OXSR1: variants seen among roughly 807,000 people sequenced by gnomAD.
The protein encoded by OXSR1 is oxidative stress responsive kinase 1, also known as serine/threonine-protein kinase OSR1.
A neutral mutation model predicts 79.8 loss-of-function variants in OXSR1; 24 were observed. The ratio of observed to expected loss-of-function variants is 0.30; its 90% confidence interval spans 0.22 to 0.42. The LOEUF is 0.42. Ranked by LOEUF, OXSR1 falls within the 10% of genes least tolerant of loss-of-function variation. OXSR1 has a pLI of 1.00. For synonymous variants in OXSR1, 226 were observed against 209.2 expected, an observed-to-expected ratio of 1.08 and a Z score of -0.69; for missense variants, 430 against 618.4, an observed-to-expected ratio of 0.70 and a Z score of 3.23.
chr3:38,203,512 T>A (rs1702207400), intron 4 of OXSR1, among the ~76,000 whole-genome samples: 1 of 152,090 alleles, frequency 6.6e-6, no homozygotes. Flanking sequence ...CCTGGTTAAT[T>A]TAAAAAAAAT....
At position 38,253,855 on chromosome 3, in the gene OXSR1, G is replaced by T. The variant is rs1221930798; in HGVS notation, c.*964G>T. ...AAGGAGACACACACTGGGCCAGAGAGGCCTGCCTTCTGCCTGCTCTCCTGC... is the reference window on the plus strand; with the variant it reads ...AAGGAGACACACACTGGGCCAGAGATGCCTGCCTTCTGCCTGCTCTCCTGC... On this transcript the variant is annotated 3_prime_UTR_variant, in exon 18 of 18. Coordinates refer to ENST00000311806, the MANE Select transcript of OXSR1 (RefSeq NM_005109.3). The T allele has an allele frequency of 4.0e-6, 1 of 248,706 alleles. No homozygotes were observed. Among genetic ancestry groups the T allele is most frequent in the Non-Finnish European group, 7.6e-6 (1 of 131,386 alleles). The allele number at this position is 248,706 out of a possible 1,614,324, so 15.4% of individuals were successfully genotyped here. A position where few individuals can be genotyped will look rare whatever the true frequency, so the allele number is the denominator to read the frequency against.
rs182320377 is a variant in OXSR1, at chr3:38,209,395, A to T, written c.435-6701A>T. 4.6e-3 allele frequency among the ~76,000 whole-genome samples: 684 copies of T among 148,108 alleles called. 2 individuals carry two copies. The highest frequency in any genetic ancestry group is 0.014 in the Middle Eastern group (4 of 288). On this transcript the variant is annotated intron_variant, in intron 4 of 17. Coordinates refer to ENST00000311806, the MANE Select transcript of OXSR1 (RefSeq NM_005109.3). ...ACTATGCCTGGCTATTTTTTTTTTT[A>T]TTTTTATAGAGACAGGGTCCTACAC...
At chr3:38,204,214 A>G (rs999167539) in intron 4 of OXSR1, among the ~76,000 whole-genome samples, 7 of 152,076 alleles carry the variant, frequency 4.6e-5, no homozygotes, top group African/African-American at 1.7e-4. Flanking sequence ...TGCCAGTCCT[A>G]GGACTCTCCC....
In OXSR1 at chr3:38,212,432, C is replaced by T. The variant is rs375616034; in HGVS notation, c.435-3664C>T. Among the ~76,000 whole-genome samples, 3 of 152,280 alleles carry T rather than the reference C, an allele frequency of 2.0e-5. No individual in the cohort carries two copies. The South Asian group carries it at 6.2e-4, about 32-fold the overall frequency. On this transcript the variant is annotated intron_variant, in intron 4 of 17. Coordinates refer to ENST00000311806, the MANE Select transcript of OXSR1 (RefSeq NM_005109.3). Reference sequence around the variant, plus strand: ...GAATGGGTCTCTAAATCAGACTTTTCTCTCTGTATCTACCCAAATATTTTT... The same window carrying T: ...GAATGGGTCTCTAAATCAGACTTTTTTCTCTGTATCTACCCAAATATTTTT...
At chr3:38,240,742 C>T (rs770160199) in intron 11 of OXSR1, among the ~76,000 whole-genome samples, 16 of 150,744 alleles carry the variant, frequency 1.1e-4, no homozygotes, top group Admixed American at 4.6e-4. Flanking sequence ...AGCGCCAGCT[C>T]GAAGTTACTC....
rs915290107 is a variant in OXSR1, at chr3:38,166,789, C to CAAA, written c.70+866_70+868dup. On this transcript the variant is annotated intron_variant, in intron 1 of 17. Transcript: ENST00000311806. ...TGGGCGACAAACCCTGACTCTGACT[C>CAAA]AAAAAAAAAAAAAAAAAAAAAAAAA... is the stretch of plus-strand genomic sequence containing the variant. 1.9e-3 allele frequency among the ~76,000 whole-genome samples: 121 copies of CAAA among 63,712 alleles called. 2 individuals are homozygous for CAAA. Among genetic ancestry groups the CAAA allele is most frequent in the African/African-American group, 2.8e-3 (43 of 15,406 alleles). 41.8% of individuals were successfully genotyped at this position (63,712 alleles called of 152,430 possible). A position where few individuals can be genotyped will look rare whatever the true frequency, so the allele number is the denominator to read the frequency against.
At chr3:38,246,417 A>G (rs1703144170) in intron 13 of OXSR1, among the ~76,000 whole-genome samples, 196 bp downstream of exon 13, 1 of 152,232 alleles carries the variant, frequency 6.6e-6, no homozygotes, top group Non-Finnish European at 1.5e-5. Context: ...TTTTTAAGCA[A>G]CAGAATAAGT....
chr3:38,165,880 T>A lies in OXSR1; in HGVS notation c.4T>A (p.Ser2Thr). The A allele has an allele frequency of 6.2e-7, 1 of 1,610,738 alleles. No individual in the cohort carries two copies. The highest frequency in any genetic ancestry group is 8.5e-7 in the Non-Finnish European group (1 of 1,179,196). The change falls in exon 1 of 18, where the codon TCC (serine) becomes ACC (threonine). Residue 2 changes from serine (S) to threonine (T), a missense_variant. This residue lies in a region of OXSR1 where 145 missense variants were observed against 228.3 expected (regional missense o/e 0.64). Transcript: ENST00000311806. Reference protein sequence around the residue: MSEDSSALPWSI... With the variant: MTEDSSALPWSI... ...ACCGCGAGCCGCTGCCGCCGTCATG[T>A]CCGAGGACTCGAGCGCCCTGCCCTG... is the stretch of plus-strand genomic sequence containing the variant.
chr3:38,200,345 A>G (rs762396897), intron 4 of OXSR1, among the ~76,000 whole-genome samples: 1 of 152,200 alleles, frequency 6.6e-6, no homozygotes, highest in African/African-American at 2.4e-5. Context: ...GTTATAGCAG[A>G]TTAAAGGAAA....
chr3:38,202,550 C>T (rs1336895169), intron 4 of OXSR1, among the ~76,000 whole-genome samples: 2 of 151,550 alleles, frequency 1.3e-5, no homozygotes, highest in Non-Finnish European at 2.9e-5. Flanking sequence ...TGGTTGTGGG[C>T]GAAAGATTAC....
At position 38,210,415 on chromosome 3, in the gene OXSR1, A is replaced by G. The variant is rs141224141; in HGVS notation, c.435-5681A>G. Reference sequence around the variant, plus strand: ...TGAGGGTAGGTTTTTGTTTAGGAGAATAGAATGCTTAGGGCATATTTCAAA... The same window carrying G: ...TGAGGGTAGGTTTTTGTTTAGGAGAGTAGAATGCTTAGGGCATATTTCAAA... On this transcript the variant is annotated intron_variant, in intron 4 of 17. Coordinates refer to ENST00000311806, the MANE Select transcript of OXSR1 (RefSeq NM_005109.3). 4.7e-4 allele frequency among the ~76,000 whole-genome samples: 71 copies of G among 152,266 alleles called. 1 individual carries two copies. Among genetic ancestry groups the G allele is most frequent in the African/African-American group, 1.7e-3 (70 of 41,538 alleles).
chr3:38,174,161 G>A (rs991618546), intron 1 of OXSR1, among the ~76,000 whole-genome samples: 2 of 152,244 alleles, frequency 1.3e-5, no homozygotes, highest in Admixed American at 1.3e-4. Context: ...AGGTAAGGTG[G>A]TATGGATGCT....
chr3:38,171,928 T>A (rs1342654424), intron 1 of OXSR1, among the ~76,000 whole-genome samples: 2 of 152,250 alleles, frequency 1.3e-5, no homozygotes. Flanking sequence ...TGCCTCTTAC[T>A]AGTTATGTGA....
At chr3:38,216,226 A>G (rs1702480694) in intron 5 of OXSR1, 75 bp downstream of exon 5, 1 of 945,908 alleles carries the variant, frequency 1.1e-6, no homozygotes, top group Admixed American at 2.3e-5. Flanking sequence ...TGTTTCCTTA[A>G]TCAGCATTCT....
chr3:38,186,092 A>C (rs1334803586), intron 2 of OXSR1, among the ~76,000 whole-genome samples: 1 of 151,956 alleles, frequency 6.6e-6, no homozygotes, highest in Non-Finnish European at 1.5e-5. Flanking sequence ...AGGCATAGAT[A>C]GCAAGTCTGC....
In OXSR1 at chr3:38,254,480, G is replaced by T. The variant is rs569669205; in HGVS notation, c.*1589G>T. On this transcript the variant is annotated 3_prime_UTR_variant, in exon 18 of 18. Coordinates refer to ENST00000311806, the MANE Select transcript of OXSR1 (RefSeq NM_005109.3). Reference sequence around the variant, plus strand: ...GAGTTAGGAGGAGAGTAGGTGAGATGATCAGACACCGGAGTTCAACGTCCC... The same window carrying T: ...GAGTTAGGAGGAGAGTAGGTGAGATTATCAGACACCGGAGTTCAACGTCCC... The T allele has an allele frequency of 4.2e-5, 16 of 378,870 alleles. No individual in the cohort carries two copies. In the East Asian group the frequency reaches 6.0e-4, roughly 14 times the overall value. 23.5% of individuals were successfully genotyped at this position (378,870 alleles called of 1,614,324 possible). A position where few individuals can be genotyped will look rare whatever the true frequency, so the allele number is the denominator to read the frequency against.
chr3:38,216,059 T>C, intron 4 of OXSR1, 37 bp from the exon 5 acceptor site: 1 of 1,278,180 alleles, frequency 7.8e-7, no homozygotes, highest in Non-Finnish European at 1.1e-6. Context: ...AAAGAATAGA[T>C]GTTTTTTGAT....
chr3:38,252,666 T>C (rs1280157020), intron 17 of OXSR1, 151 bp from the exon 18 acceptor site: 10 of 663,014 alleles, frequency 1.5e-5, no homozygotes, highest in Non-Finnish European at 2.4e-5. Flanking sequence ...CCCCCCTCTT[T>C]TCTGGAATAA....
At chr3:38,226,435 ATTAATGT>A (rs1011465305) in intron 8 of OXSR1, among the ~76,000 whole-genome samples, 2 of 152,178 alleles carry the variant, frequency 1.3e-5, no homozygotes, top group African/African-American at 2.4e-5. Flanking sequence ...AAATACAGTG[ATTAATGT>A]TTAAAACTTT....
Sources: allele counts gnomAD v4.1 joint callset (sites outside exome capture counted in the v4.1 genomes callset), GRCh38; gene constraint gnomAD v4.1.1; regional missense constraint gnomAD v4.1.1; transcripts MANE v1.5; gene names NCBI Gene and HGNC (gene_info 2026-07-23, HGNC 2026-07-21).